ZCCHC7: variants seen among roughly 807,000 people sequenced by gnomAD.
ZCCHC7 encodes zinc finger CCHC domain-containing protein 7.
Under a neutral mutation model 52.0 loss-of-function variants are expected in ZCCHC7, and 35 were observed. The ratio of observed to expected loss-of-function variants is 0.67; its 90% confidence interval spans 0.51 to 0.89. The LOEUF (loss-of-function observed/expected upper bound fraction) is 0.89. ZCCHC7 is among the 40% of genes least tolerant of loss of function. The pLI is 0.00. For synonymous variants in ZCCHC7, 217 were observed against 221.5 expected, an observed-to-expected ratio of 0.98 and a Z score of 0.18; for missense variants, 574 against 649.1, an observed-to-expected ratio of 0.88 and a Z score of 1.26.
At chr9:37,321,849 C>T (rs1030057583) in intron 5 of ZCCHC7, among the ~76,000 whole-genome samples, 8 of 152,122 alleles carry the variant, frequency 5.3e-5, no homozygotes, top group Non-Finnish European at 8.8e-5. Context: ...TTTAAAACTT[C>T]TGGTTCCTGC....
intron 2 of ZCCHC7, among the ~76,000 whole-genome samples, chr9:37,275,222 G>A (rs1827624277): frequency 6.6e-6 from 1 of 151,762 alleles, no homozygotes; most frequent in African/African-American, 2.4e-5. Flanking sequence ...TCTCCCAACA[G>A]TTGGGCCTTA....
At chr9:37,258,945 A>G (rs1034459982) in intron 2 of ZCCHC7, among the ~76,000 whole-genome samples, 2 of 152,102 alleles carry the variant, frequency 1.3e-5, no homozygotes, top group Non-Finnish European at 2.9e-5. Flanking sequence ...ATAATTAAGG[A>G]CAAAACAGGT....
At chr9:37,182,667 A>G (rs960282525) in intron 2 of ZCCHC7, among the ~76,000 whole-genome samples, 2 of 152,182 alleles carry the variant, frequency 1.3e-5, no homozygotes, top group Admixed American at 6.5e-5. Context: ...CGCCTGGCCC[A>G]GTCGTAGTGA....
chr9:37,125,903 A>G (rs568889286), intron 1 of ZCCHC7, among the ~76,000 whole-genome samples: 4 of 152,228 alleles, frequency 2.6e-5, no homozygotes, highest in Non-Finnish European at 5.9e-5. Context: ...ACAGTTACTT[A>G]CAGTATTTGG....
intron 2 of ZCCHC7, among the ~76,000 whole-genome samples, chr9:37,196,929 C>T (rs771395066): frequency 1.3e-5 from 2 of 152,010 alleles, no homozygotes; most frequent in Non-Finnish European, 2.9e-5. Flanking sequence ...TTAATGACAA[C>T]ATTAGGTACT....
intron 2 of ZCCHC7, among the ~76,000 whole-genome samples, chr9:37,184,194 G>C (rs1588443546): frequency 6.6e-6 from 1 of 152,168 alleles, no homozygotes; most frequent in Non-Finnish European, 1.5e-5. Flanking sequence ...ATTCCTTACT[G>C]TTTTTGTGTC....
chr9:37,214,415 A>T (rs1197220415), intron 2 of ZCCHC7, among the ~76,000 whole-genome samples: 1 of 152,068 alleles, frequency 6.6e-6, no homozygotes, highest in African/African-American at 2.4e-5. Context: ...ATACTTAAGA[A>T]ACATTTTTAT....
At chr9:37,191,022 CAAAA>C (rs1225816158) in intron 2 of ZCCHC7, among the ~76,000 whole-genome samples, 1 of 105,764 alleles carries the variant, frequency 9.5e-6, no homozygotes, top group African/African-American at 3.2e-5. Flanking sequence ...AACTCCGTCT[CAAAA>C]AAAAAAAAAA....
intron 2 of ZCCHC7, among the ~76,000 whole-genome samples, chr9:37,218,786 G>C (rs990608282): frequency 2.0e-5 from 3 of 151,844 alleles, no homozygotes; most frequent in African/African-American, 7.3e-5. Context: ...TCCAGCCTGG[G>C]TGACGGAGCG....
intron 2 of ZCCHC7, among the ~76,000 whole-genome samples, chr9:37,134,756 G>A (rs1222279075): frequency 6.6e-6 from 1 of 151,956 alleles, no homozygotes; most frequent in Non-Finnish European, 1.5e-5. Flanking sequence ...ACGGAATTTC[G>A]CTCTTGTTGC....
At chr9:37,304,398 A>C (rs1224562116) in intron 4 of ZCCHC7, 85 bp downstream of exon 4, 1 of 1,500,036 alleles carries the variant, frequency 6.7e-7, no homozygotes, top group Non-Finnish European at 9.1e-7. Context: ...TCATGCCTGT[A>C]ATCCCAGCAC....
intron 2 of ZCCHC7, among the ~76,000 whole-genome samples, chr9:37,130,329 C>T (rs1388515708): frequency 3.3e-5 from 4 of 121,424 alleles, no homozygotes; most frequent in Admixed American, 1.8e-4. Context: ...TTACGGAATT[C>T]TCTCCTTTTT....
At chr9:37,306,657 G>A (rs1215888549) in intron 5 of ZCCHC7, among the ~76,000 whole-genome samples, 1 of 146,036 alleles carries the variant, frequency 6.8e-6, no homozygotes, top group Non-Finnish European at 1.5e-5. Context: ...TAGATACGGG[G>A]TTTCACCACG....
chr9:37,123,911 G>C (rs1407775642), intron 1 of ZCCHC7, among the ~76,000 whole-genome samples: 4 of 152,154 alleles, frequency 2.6e-5, no homozygotes, highest in Non-Finnish European at 5.9e-5. Flanking sequence ...GCCACCTGAA[G>C]GACAGTGCAA....
chr9:37,137,001 C>G (rs1365196077), intron 2 of ZCCHC7, among the ~76,000 whole-genome samples: 1 of 152,134 alleles, frequency 6.6e-6, no homozygotes, highest in Non-Finnish European at 1.5e-5. Context: ...ATTTTATGAT[C>G]TGCTAGTTTA....
At chr9:37,179,122 T>C (rs1356752000) in intron 2 of ZCCHC7, among the ~76,000 whole-genome samples, 1 of 152,216 alleles carries the variant, frequency 6.6e-6, no homozygotes, top group Non-Finnish European at 1.5e-5. Context: ...CAGATAAGCA[T>C]AACCCATGTA....
intron 2 of ZCCHC7, among the ~76,000 whole-genome samples, chr9:37,223,881 G>A (rs2133275929): frequency 6.6e-6 from 1 of 152,022 alleles, no homozygotes; most frequent in Non-Finnish European, 1.5e-5. Context: ...GAAAATATAG[G>A]TAGTAAAACA....
At chr9:37,157,935 T>G (rs967435039) in intron 2 of ZCCHC7, among the ~76,000 whole-genome samples, 5 of 152,218 alleles carry the variant, frequency 3.3e-5, no homozygotes, top group African/African-American at 1.2e-4. Flanking sequence ...CAGTTCTGCT[T>G]CTGCCTGTAT....
intron 2 of ZCCHC7, among the ~76,000 whole-genome samples, chr9:37,268,117 C>T (rs1256307212): frequency 6.6e-6 from 1 of 152,176 alleles, no homozygotes; most frequent in African/African-American, 2.4e-5. Context: ...ATTGGAAGTT[C>T]CTCAGAGCAG....
Sources: gnomAD v4.1 joint callset for allele counts (sites outside exome capture counted in the v4.1 genomes callset) on GRCh38, gnomAD v4.1.1 for gene constraint, MANE v1.5 for transcripts, NCBI Gene and HGNC (gene_info 2026-07-23, HGNC 2026-07-21) for gene names.